HSD17B3: variants seen among roughly 807,000 people sequenced by gnomAD.
The protein encoded by HSD17B3 is hydroxysteroid 17-beta dehydrogenase 3.
Under a neutral mutation model 41.1 loss-of-function variants are expected in HSD17B3, and 29 were observed. The ratio of observed to expected loss-of-function variants is 0.71; its 90% CI spans 0.53 to 0.96. The LOEUF (loss-of-function observed/expected upper bound fraction) is 0.96. Among genes scored for constraint, HSD17B3 ranks in the 40% least tolerant of loss-of-function variants. The pLI is 0.00. For missense variants in HSD17B3, 323 were observed against 374.6 expected (o/e 0.86, Z 1.14); for synonymous variants, 126 against 145.6 (o/e 0.87, Z 0.97).
At position 96,254,931 on chromosome 9, in the gene HSD17B3, CACG is replaced by C; in HGVS notation, c.211_213del (p.Arg71del). On this transcript the variant is annotated inframe_deletion, in exon 3 of 11. Coordinates refer to ENST00000375263, the MANE Select transcript of HSD17B3 (RefSeq NM_000197.2). ...CGGCTAATAAGGACAACATTGAGTC[CACG>C]TTTTGCTAGCTGAGAGTGGGAGTGA... is the stretch of plus-strand genomic sequence containing the variant. 6.2e-7 allele frequency: 1 copy of C among 1,613,846 alleles called. No homozygotes were observed. Among genetic ancestry groups the C allele is most frequent in the South Asian group, 1.1e-5 (1 of 90,986 alleles).
At chr9:96,288,169 A>G (rs1181701011) in intron 2 of HSD17B3, among the ~76,000 whole-genome samples, 1 of 152,252 alleles carries the variant, frequency 6.6e-6, no homozygotes, top group Non-Finnish European at 1.5e-5. Flanking sequence ...ATCTTACTCG[A>G]GTGATGGAAA....
At chr9:96,257,394 C>T (rs989259232) in intron 2 of HSD17B3, among the ~76,000 whole-genome samples, 2 of 152,014 alleles carry the variant, frequency 1.3e-5, no homozygotes, top group Non-Finnish European at 2.9e-5. Flanking sequence ...CCCATTTCCC[C>T]GCCCACCCCT....
chr9:96,269,246 T>C (rs986567223), intron 2 of HSD17B3, among the ~76,000 whole-genome samples: 9 of 152,178 alleles, frequency 5.9e-5, no homozygotes, highest in Non-Finnish European at 8.8e-5. Context: ...AAAAATATGG[T>C]ATTAGAAACT....
At chr9:96,287,392 G>C (rs1826964227) in intron 2 of HSD17B3, among the ~76,000 whole-genome samples, 11 of 152,196 alleles carry the variant, frequency 7.2e-5, no homozygotes, top group Admixed American at 7.2e-4. Flanking sequence ...CTGCAGAAAT[G>C]TGACTGTCGC....
chr9:96,295,988 T>A (rs1205822803), intron 2 of HSD17B3, among the ~76,000 whole-genome samples: 2 of 152,012 alleles, frequency 1.3e-5, no homozygotes, highest in Non-Finnish European at 2.9e-5. Context: ...GTGGCTCATG[T>A]CTGTAATCCC....
At position 96,302,062 on chromosome 9, in the gene HSD17B3, G is replaced by A. The variant is rs1827634422; in HGVS notation, c.43C>T (p.Leu15=). 1 of 1,614,016 alleles carries A rather than the reference G, an allele frequency of 6.2e-7. No homozygotes were observed. The highest frequency in any genetic ancestry group is 1.3e-5 in the African/African-American group (1 of 74,924). Reference sequence around the variant, plus strand: ...TTCGCCAGGCAGGCCAGGCACACCAGCAGCCCTGTGAGGATGAAGAACTGT... The same window carrying A: ...TTCGCCAGGCAGGCCAGGCACACCAACAGCCCTGTGAGGATGAAGAACTGT... ...LEQFFILTGL[L]VCLACLAKCV... is the part of the protein sequence containing the mutation. The change falls in exon 1 of 11, where the codon CTG becomes TTG. Residue 15 remains leucine, a synonymous_variant. Coordinates refer to ENST00000375263, the MANE Select transcript of HSD17B3 (RefSeq NM_000197.2).
intron 2 of HSD17B3, among the ~76,000 whole-genome samples, chr9:96,272,696 C>T (rs1826311940): frequency 6.6e-6 from 1 of 151,330 alleles, no homozygotes; most frequent in South Asian, 2.1e-4. Flanking sequence ...TACAGCCCAA[C>T]AATTGCAATT....
At chr9:96,254,664 C>A (rs908243359) in intron 3 of HSD17B3, among the ~76,000 whole-genome samples, 15 of 152,226 alleles carry the variant, frequency 9.9e-5, no homozygotes, top group African/African-American at 3.6e-4. Flanking sequence ...TTAGTTCCTG[C>A]TTCCCCCAGC....
chr9:96,248,908 T>C (rs1387581102), intron 6 of HSD17B3, among the ~76,000 whole-genome samples: 1 of 97,912 alleles, frequency 1.0e-5, no homozygotes, highest in African/African-American at 3.9e-5. Flanking sequence ...TCCACAGCCA[T>C]TTTTTTTTTT....
chr9:96,253,435 A>G (rs954146962), intron 3 of HSD17B3, among the ~76,000 whole-genome samples: 7 of 152,200 alleles, frequency 4.6e-5, no homozygotes, highest in Admixed American at 2.0e-4. Context: ...TATTTGTCCA[A>G]TGCTTTAGCA....
chr9:96,257,470 A>G (rs1049146110), intron 2 of HSD17B3, among the ~76,000 whole-genome samples: 1 of 151,752 alleles, frequency 6.6e-6, no homozygotes, highest in Non-Finnish European at 1.5e-5. Context: ...ACGGGCATAT[A>G]TAGGCACATA....
intron 1 of HSD17B3, among the ~76,000 whole-genome samples, chr9:96,301,563 T>C (rs1038979289): frequency 6.6e-6 from 1 of 150,842 alleles, no homozygotes; most frequent in Non-Finnish European, 1.5e-5. Flanking sequence ...TACAAAAAAT[T>C]AGCCAGCCGT....
intron 2 of HSD17B3, among the ~76,000 whole-genome samples, chr9:96,256,511 T>C (rs1308338616): frequency 6.6e-6 from 1 of 150,884 alleles, no homozygotes; most frequent in East Asian, 1.9e-4. Context: ...AACAAATAAA[T>C]AAATAAATAA....
rs1372903011 is a variant in HSD17B3 at position 96,272,443 on chromosome 9, ATAT to A, written c.202-17503_202-17501del. ...TATATATATATATATATATATATAT[ATAT>A]AAAATATATATGAATATAATATATA... On this transcript the variant is annotated intron_variant, in intron 2 of 10. Coordinates refer to ENST00000375263, the MANE Select transcript of HSD17B3 (RefSeq NM_000197.2). Among the ~76,000 whole-genome samples, 598 of 98,254 alleles carry A rather than the reference ATAT, an allele frequency of 6.1e-3. 1 individual carries two copies. Among genetic ancestry groups the A allele is most frequent in the Non-Finnish European group, 9.4e-3 (460 of 49,156 alleles). 64.5% of individuals were successfully genotyped at this position (98,254 alleles called of 152,430 possible).
chr9:96,267,226 G>A (rs925958454), intron 2 of HSD17B3, among the ~76,000 whole-genome samples: 3 of 150,922 alleles, frequency 2.0e-5, no homozygotes, highest in Admixed American at 1.3e-4. Flanking sequence ...GTGCAATCTC[G>A]GCTCACTGCA....
intron 6 of HSD17B3, 57 bp downstream of exon 6, chr9:96,249,694 T>C: frequency 6.5e-7 from 1 of 1,531,570 alleles, no homozygotes; most frequent in Non-Finnish European, 9.0e-7. Flanking sequence ...TCTCCTGAGT[T>C]GCCAAATTTC....
chr9:96,270,949 C>T (rs1826218059), intron 2 of HSD17B3, among the ~76,000 whole-genome samples: 1 of 84,496 alleles, frequency 1.2e-5, no homozygotes, highest in African/African-American at 4.5e-5. Flanking sequence ...CTCTCAAATC[C>T]TCTCGGGGGG....
chr9:96,301,141 T>G (rs890438912), intron 1 of HSD17B3, among the ~76,000 whole-genome samples: 1 of 152,214 alleles, frequency 6.6e-6, no homozygotes. Flanking sequence ...GCCCTAGTGT[T>G]CCCCTAATGC....
intron 2 of HSD17B3, among the ~76,000 whole-genome samples, chr9:96,290,102 G>A (rs180769587): frequency 7.2e-5 from 11 of 152,206 alleles, no homozygotes; most frequent in Middle Eastern, 3.4e-3. Flanking sequence ...AAAATAGGGT[G>A]AGCAGTGGCT....
Sources: allele counts gnomAD v4.1 joint callset (sites outside exome capture counted in the v4.1 genomes callset), GRCh38; gene constraint gnomAD v4.1.1; transcripts MANE v1.5; gene names NCBI Gene and HGNC (gene_info 2026-07-23, HGNC 2026-07-21).